Variants in VPS13B observed in about 807,000 individuals in gnomAD.
VPS13B encodes the protein intermembrane lipid transfer protein VPS13B.
In VPS13B, 285 loss-of-function variants were observed where a neutral mutation model predicts 426.4. That is an observed-to-expected ratio of 0.67 (90% CI 0.61 to 0.74). The LOEUF (loss-of-function observed/expected upper bound fraction) is 0.74, where lower values mean the gene tolerates loss of function less well. Among genes scored for constraint, VPS13B ranks in the 30% least tolerant of loss-of-function variants. The pLI is 0.00. For synonymous variants in VPS13B, 1,676 were observed against 1,676.4 expected (o/e 1.00, Z 0.01); for missense variants, 4,537 against 4,782.6 (o/e 0.95, Z 1.51).
chr8:99,118,994 A>G (rs1847810556), intron 7 of VPS13B, among the ~76,000 whole-genome samples: 1 of 152,200 alleles, frequency 6.6e-6, no homozygotes, highest in Non-Finnish European at 1.5e-5. Flanking sequence ...ATTCCTATCA[A>G]CAATGTGTGA....
At chr8:99,531,220 G>A (rs1026510400) in intron 30 of VPS13B, among the ~76,000 whole-genome samples, 3 of 152,034 alleles carry the variant, frequency 2.0e-5, no homozygotes, top group African/African-American at 4.8e-5. Context: ...CATGCAATCC[G>A]TTTTTAGAGA....
chr8:99,414,370 C>A (rs184226893), intron 21 of VPS13B, among the ~76,000 whole-genome samples: 159 of 151,754 alleles, frequency 1.0e-3, no homozygotes, highest in Non-Finnish European at 2.0e-3. Context: ...GACTCTGTAT[C>A]CCATTTGCCA....
At chr8:99,118,496 A>C (rs1248203334) in intron 7 of VPS13B, among the ~76,000 whole-genome samples, 1 of 152,176 alleles carries the variant, frequency 6.6e-6, no homozygotes, top group Admixed American at 6.5e-5. Context: ...GATATAGGTC[A>C]TTAACATCTG....
At chr8:99,589,563 C>A (rs1031963382) in intron 33 of VPS13B, among the ~76,000 whole-genome samples, 10 of 151,720 alleles carry the variant, frequency 6.6e-5, no homozygotes, top group African/African-American at 1.9e-4. Context: ...GCATAGGATT[C>A]CATGGTGTAT....
chr8:99,401,734 C>T (rs777775426), intron 21 of VPS13B, among the ~76,000 whole-genome samples: 3 of 152,092 alleles, frequency 2.0e-5, no homozygotes, highest in Non-Finnish European at 2.9e-5. Context: ...GGTGTGGTGA[C>T]GCGTGCCTGC....
intron 17 of VPS13B, among the ~76,000 whole-genome samples, chr8:99,246,806 C>T (rs1270450062): frequency 6.6e-6 from 1 of 150,500 alleles, no homozygotes; most frequent in Non-Finnish European, 1.5e-5. Context: ...GTGGAGATCT[C>T]ACCACTGCAC....
intron 24 of VPS13B, among the ~76,000 whole-genome samples, chr8:99,480,092 G>A (rs879377853): frequency 6.6e-6 from 1 of 152,196 alleles, no homozygotes; most frequent in Non-Finnish European, 1.5e-5. Context: ...AACATGGGAA[G>A]TGGTAGTTCA....
At chr8:99,440,532 A>G (rs1156682904) in intron 22 of VPS13B, among the ~76,000 whole-genome samples, 5 of 152,150 alleles carry the variant, frequency 3.3e-5, no homozygotes, top group Non-Finnish European at 7.4e-5. Flanking sequence ...TAGTATATAT[A>G]ATAGATAAAA....
chr8:99,262,430 A>G (rs1818091846), intron 17 of VPS13B, among the ~76,000 whole-genome samples: 1 of 152,016 alleles, frequency 6.6e-6, no homozygotes, highest in East Asian at 1.9e-4. Context: ...AGTCTTTGTC[A>G]CCTATTGAAT....
At chr8:99,069,985 C>T (rs1844771054) in intron 3 of VPS13B, among the ~76,000 whole-genome samples, 1 of 152,192 alleles carries the variant, frequency 6.6e-6, no homozygotes, top group Admixed American at 6.5e-5. Context: ...ATCTCTGCAG[C>T]CTCAAACTGC....
intron 24 of VPS13B, among the ~76,000 whole-genome samples, chr8:99,470,241 C>A (rs911589829): frequency 6.6e-6 from 1 of 152,080 alleles, no homozygotes; most frequent in Non-Finnish European, 1.5e-5. Context: ...GCTCCCTCAG[C>A]CTATCTTTCC....
intron 3 of VPS13B, among the ~76,000 whole-genome samples, chr8:99,044,716 A>T (rs773163357): frequency 7.4e-4 from 112 of 152,178 alleles, no homozygotes; most frequent in African/African-American, 2.6e-3. Context: ...TAGCTTCCAC[A>T]TATCAGTGAG....
At chr8:99,018,322 G>GT (rs1176071946) in intron 2 of VPS13B, among the ~76,000 whole-genome samples, 1 of 152,226 alleles carries the variant, frequency 6.6e-6, no homozygotes, top group Non-Finnish European at 1.5e-5. Context: ...GAAGGTGGAG[G>GT]TTGCAGTAAG....
intron 34 of VPS13B, among the ~76,000 whole-genome samples, chr8:99,656,564 G>T (rs1212078276): frequency 6.6e-6 from 1 of 152,110 alleles, no homozygotes; most frequent in Non-Finnish European, 1.5e-5. Flanking sequence ...ATCCTATATT[G>T]TAGACCTGAT....
chr8:99,106,323 T>C (rs1184481506), intron 5 of VPS13B, among the ~76,000 whole-genome samples: 1 of 149,192 alleles, frequency 6.7e-6, no homozygotes, highest in African/African-American at 2.5e-5. Context: ...TAATCCTAGC[T>C]ACTTGGGAGG....
intron 39 of VPS13B, among the ~76,000 whole-genome samples, chr8:99,722,848 C>T (rs1202769057): frequency 6.6e-6 from 1 of 152,190 alleles, no homozygotes; most frequent in East Asian, 1.9e-4. Context: ...TGCAGAATAT[C>T]TGTAGATTTT....
intron 51 of VPS13B, among the ~76,000 whole-genome samples, chr8:99,828,392 CCGTTTTTTTTTTTTTTTTTTTTTTT>C (rs1274921555): frequency 2.5e-4 from 12 of 47,652 alleles, no homozygotes; most frequent in African/African-American, 8.2e-4. Context: ...ATTACAACCA[CCGTTTTTTTTTTTTTTTTTTTTTTT>C]TTTTTTTTTT....
chr8:99,333,135 T>G (rs543103010), intron 19 of VPS13B, among the ~76,000 whole-genome samples: 11 of 151,868 alleles, frequency 7.2e-5, no homozygotes, highest in Non-Finnish European at 1.6e-4. Context: ...AGAGTTTATA[T>G]ATTTTAGACA....
intron 34 of VPS13B, among the ~76,000 whole-genome samples, chr8:99,651,621 G>T (rs1211177455): frequency 2.0e-5 from 3 of 152,082 alleles, no homozygotes; most frequent in Non-Finnish European, 4.4e-5. Context: ...AAATAAAGAT[G>T]TATGTAGTTG....
Sources: allele counts gnomAD v4.1 joint callset (sites outside exome capture counted in the v4.1 genomes callset), GRCh38; gene constraint gnomAD v4.1.1; transcripts MANE v1.5; gene names NCBI Gene and HGNC (gene_info 2026-07-23, HGNC 2026-07-21).